Variants in SNRPN observed in about 807,000 individuals in gnomAD.
SNRPN encodes small nuclear ribonucleoprotein polypeptide N.
In SNRPN, 7 loss-of-function variants were observed where a neutral mutation model predicts 25.2. The ratio of observed to expected loss-of-function variants is 0.28; its 90% CI spans 0.16 to 0.52. SNRPN has a LOEUF of 0.52. SNRPN is among the 20% of genes least tolerant of loss of function. The pLI is 0.96. For synonymous variants in SNRPN, 124 were observed against 110.6 expected, an observed-to-expected ratio of 1.12 and a Z score of -0.76; for missense variants, 196 against 322.5, an observed-to-expected ratio of 0.61 and a Z score of 3.00.
intron 2 of SNRPN, among the ~76,000 whole-genome samples, chr15:24,834,133 T>G (rs953451543): frequency 6.6e-6 from 1 of 151,990 alleles, no homozygotes; most frequent in African/African-American, 2.4e-5. Flanking sequence ...ACCATGTTGG[T>G]CAGGCTTGTC....
chr15:24,909,132 C>T (rs1292365847), intron 2 of SNRPN: 6 of 1,346,928 alleles, frequency 4.5e-6, no homozygotes, highest in Non-Finnish European at 6.4e-6. Flanking sequence ...TCTGGAGTTA[C>T]CCTGTTCTTT....
intron 2 of SNRPN, among the ~76,000 whole-genome samples, chr15:24,896,628 G>A (rs1368092748): frequency 1.3e-5 from 2 of 152,004 alleles, no homozygotes; most frequent in Non-Finnish European, 2.9e-5. Flanking sequence ...GCAGGAGAAT[G>A]GTGTAAACCT....
intron 2 of SNRPN, among the ~76,000 whole-genome samples, chr15:24,830,885 A>G (rs1011044713): frequency 4.6e-5 from 7 of 151,998 alleles, no homozygotes; most frequent in Non-Finnish European, 5.9e-5. Context: ...GCTTGAGTTC[A>G]ATGTGTATTC....
chr15:24,925,124 T>C (rs1425391061), intron 3 of SNRPN, among the ~76,000 whole-genome samples: 1 of 152,212 alleles, frequency 6.6e-6, no homozygotes, highest in African/African-American at 2.4e-5. Flanking sequence ...AAGGCTGTAC[T>C]GAAGTTATTC....
At chr15:24,840,856 CT>C (rs2051627477) in intron 2 of SNRPN, among the ~76,000 whole-genome samples, 1 of 151,902 alleles carries the variant, frequency 6.6e-6, no homozygotes, top group Non-Finnish European at 1.5e-5. Flanking sequence ...TCACTTTTTT[CT>C]TTTTTTCGAG....
chr15:24,846,168 A>G (rs186173388), intron 2 of SNRPN, among the ~76,000 whole-genome samples: 144 of 152,180 alleles, frequency 9.5e-4, no homozygotes, highest in African/African-American at 3.3e-3. Flanking sequence ...GATTTTTTTG[A>G]ATATCAATCT....
At chr15:24,940,210 G>A (rs541249356) in intron 3 of SNRPN, among the ~76,000 whole-genome samples, 2 of 152,110 alleles carry the variant, frequency 1.3e-5, no homozygotes, top group Admixed American at 6.6e-5. Flanking sequence ...ATGCACAGAA[G>A]GTTTTGATTT....
chr15:24,858,774 C>A (rs547374349), intron 1 of SNRPN, among the ~76,000 whole-genome samples: 1 of 152,266 alleles, frequency 6.6e-6, no homozygotes, highest in African/African-American at 2.4e-5. Context: ...GCACTCCAGT[C>A]TGGGTGACAG....
chr15:24,887,693 G>A (rs748380928), intron 2 of SNRPN, among the ~76,000 whole-genome samples: 2 of 152,136 alleles, frequency 1.3e-5, no homozygotes, highest in Admixed American at 6.6e-5. Flanking sequence ...GCCTTTGGGG[G>A]CTGAGAAGAC....
intron 1 of SNRPN, among the ~76,000 whole-genome samples, chr15:24,881,403 C>T (rs1048367014): frequency 1.3e-5 from 2 of 150,810 alleles, no homozygotes; most frequent in African/African-American, 4.9e-5. Flanking sequence ...TGGGGGTGGA[C>T]ACCTGTAATC....
At chr15:24,847,809 T>C (rs1455647913) in intron 2 of SNRPN, among the ~76,000 whole-genome samples, 3 of 152,114 alleles carry the variant, frequency 2.0e-5, no homozygotes, top group Non-Finnish European at 4.4e-5. Flanking sequence ...AATACGGATG[T>C]ATAGGAGTGT....
Position 24,964,713 on chromosome 15 carries a change from T to C in SNRPN, c.-295+2504T>C, listed in dbSNP as rs899319526. On this transcript the variant is annotated intron_variant, in intron 2 of 9. Coordinates refer to ENST00000390687, the MANE Select transcript of SNRPN (RefSeq NM_003097.6). ...AGGTAGGGCTGAGGTTTAGGACTCT[T>C]AGGTTTAGGACTGTTAAGTGGGTGA... Among the ~76,000 whole-genome samples the C allele has an allele frequency of 2.6e-5, 4 of 152,280 alleles. No homozygotes were observed. The East Asian group carries it at 5.8e-4, about 22-fold the overall frequency.
At chr15:24,957,502 A>T (rs1219413308) in intron 1 of SNRPN, among the ~76,000 whole-genome samples, 1 of 152,180 alleles carries the variant, frequency 6.6e-6, no homozygotes, top group East Asian at 1.9e-4. Flanking sequence ...GTACTTTTTT[A>T]AAAAATCATT....
intron 2 of SNRPN, among the ~76,000 whole-genome samples, chr15:24,837,866 G>A (rs1046515277): frequency 3.3e-5 from 5 of 151,442 alleles, no homozygotes; most frequent in African/African-American, 1.2e-4. Context: ...TGGGATTATA[G>A]CATGCACCAC....
intron 3 of SNRPN, among the ~76,000 whole-genome samples, chr15:24,972,475 A>C (rs1297444169): frequency 1.3e-5 from 2 of 151,524 alleles, no homozygotes; most frequent in Admixed American, 1.3e-4. Flanking sequence ...GTTTTATTTA[A>C]TACATTTTTT....
At chr15:24,845,852 A>C (rs1408352991) in intron 2 of SNRPN, among the ~76,000 whole-genome samples, 1 of 152,048 alleles carries the variant, frequency 6.6e-6, no homozygotes, top group African/African-American at 2.4e-5. Flanking sequence ...TGGGAGGCTG[A>C]GGTGGGTGGA....
At chr15:24,933,543 T>A (rs532039906) in intron 3 of SNRPN, among the ~76,000 whole-genome samples, 1 of 152,176 alleles carries the variant, frequency 6.6e-6, no homozygotes, top group East Asian at 1.9e-4. Flanking sequence ...TTCAGGATGC[T>A]GAGGTGGGCG....
At position 24,929,252 on chromosome 15, in the gene SNRPN, G is replaced by A. The variant is rs1319589790; in HGVS notation, c.-391+9128G>A. ...AATCTACACCGCAGGGTTTTTCCTT[G>A]CCTTCCTATTTGTAGAGCTTCCTTC... On this transcript the variant is annotated intron_variant, in intron 3 of 11. Coordinates refer to the SNRPN transcript ENST00000400097. This position sits in a 1 kb window ranked among gnomAD's most constrained non-coding sequence, Gnocchi z 5.3. 1.3e-5 allele frequency among the ~76,000 whole-genome samples: 2 copies of A among 151,736 alleles called. No homozygotes were observed. The highest frequency in any genetic ancestry group is 2.4e-5 in the African/African-American group (1 of 41,274).
chr15:24,976,256 T>G (rs767081803), intron 5 of SNRPN, 49 bp from the exon 6 acceptor site: 1 of 1,338,524 alleles, frequency 7.5e-7, no homozygotes. Context: ...TTTTGATGAG[T>G]GAGTGATCAC....
Sources: gnomAD v4.1 joint callset for allele counts (sites outside exome capture counted in the v4.1 genomes callset) on GRCh38, gnomAD v4.1.1 for gene constraint, Gnocchi (gnomAD v3.1) non-coding constraint, MANE v1.5 for transcripts, NCBI Gene and HGNC (gene_info 2026-07-23, HGNC 2026-07-21) for gene names.